Variants in DGLUCY observed in about 807,000 individuals in gnomAD.
DGLUCY encodes D-glutamate cyclase.
In DGLUCY, 58 loss-of-function variants were observed where a neutral mutation model predicts 58.5. The observed-to-expected ratio is 0.99, with a 90% CI of 0.80 to 1.23. The LOEUF (loss-of-function observed/expected upper bound fraction) is 1.23. Ranked by LOEUF, DGLUCY falls within the 50% of genes most tolerant of loss-of-function variation. DGLUCY has a pLI of 0.00. For missense variants in DGLUCY, 779 were observed against 784.7 expected (o/e 0.99, Z 0.09); for synonymous variants, 325 against 314.1 (o/e 1.03, Z -0.37).
At chr14:91,191,501 C>T (rs1234377022) in intron 9 of DGLUCY, among the ~76,000 whole-genome samples, 2 of 152,136 alleles carry the variant, frequency 1.3e-5, no homozygotes, top group Non-Finnish European at 2.9e-5. Flanking sequence ...ACACATAGGT[C>T]CTGGTGGAAC....
chr14:91,121,796 G>A (rs1238264998), intron 1 of DGLUCY, among the ~76,000 whole-genome samples: 1 of 152,062 alleles, frequency 6.6e-6, no homozygotes, highest in African/African-American at 2.4e-5. Flanking sequence ...GGATAGAGCA[G>A]GGGGAAAAAA....
intron 13 of DGLUCY, 77 bp downstream of exon 13, chr14:91,215,633 G>A (rs759326603): frequency 1.4e-5 from 23 of 1,606,212 alleles, no homozygotes; most frequent in Admixed American, 5.0e-5. Flanking sequence ...GTCCCAAGCC[G>A]TAAGCCGAGG....
chr14:91,175,398 C>T (rs2048800944), intron 6 of DGLUCY, among the ~76,000 whole-genome samples: 1 of 152,142 alleles, frequency 6.6e-6, no homozygotes, highest in South Asian at 2.1e-4. Context: ...AGAACCTAGC[C>T]TTTTGTGAAA....
chr14:91,088,484 A>G (rs373916177), intron 1 of DGLUCY, among the ~76,000 whole-genome samples: 1 of 152,188 alleles, frequency 6.6e-6, no homozygotes, highest in East Asian at 1.9e-4. Flanking sequence ...AAAAAATCAG[A>G]GAAGCCGATG....
intron 9 of DGLUCY, among the ~76,000 whole-genome samples, chr14:91,192,549 C>G (rs1000579174): frequency 2.6e-5 from 4 of 152,126 alleles, no homozygotes; most frequent in African/African-American, 9.7e-5. Flanking sequence ...ACAGGCAGAT[C>G]GCTTGAGGTC....
At position 91,167,726 on chromosome 14, in the gene DGLUCY, C is replaced by G. The variant is rs973740334; in HGVS notation, c.257+348C>G. The G allele has an allele frequency of 4.3e-6, 3 of 695,130 alleles. No individual in the cohort carries two copies. In the African/African-American group the frequency reaches 5.3e-5, roughly 12 times the overall value. 43.1% of individuals were successfully genotyped at this position (695,130 alleles called of 1,614,324 possible). A position where few individuals can be genotyped will look rare whatever the true frequency, so the allele number is the denominator to read the frequency against. ...AAAAAACACTTGCATTACCAACACCCAGAGACAGAGATATTGTGTCTGTTC... is the reference window on the plus strand; with the variant it reads ...AAAAAACACTTGCATTACCAACACCGAGAGACAGAGATATTGTGTCTGTTC... On this transcript the variant is annotated intron_variant, in intron 4 of 13. Transcript: ENST00000256324.
chr14:91,181,153 G>C (rs1255454547), intron 7 of DGLUCY, 33 bp from the exon 8 acceptor site: 1 of 1,600,998 alleles, frequency 6.2e-7, no homozygotes, highest in Admixed American at 1.7e-5. Flanking sequence ...TGATGAAGTG[G>C]CTGGGCTCAG....
intron 1 of DGLUCY, among the ~76,000 whole-genome samples, chr14:91,108,524 T>TGAGAGAGAGAGA (rs1311616533): frequency 4.9e-5 from 2 of 40,496 alleles, no homozygotes; most frequent in Non-Finnish European, 1.3e-4. Context: ...TGTGTGTGTG[T>TGAGAGAGAGAGA]GTGAGAGAGA....
intron 9 of DGLUCY, among the ~76,000 whole-genome samples, chr14:91,192,241 G>A (rs2049944516): frequency 6.6e-6 from 1 of 152,168 alleles, no homozygotes; most frequent in Admixed American, 6.6e-5. Flanking sequence ...CTTGAGAAGT[G>A]GATTAAGCCA....
At chr14:91,171,804 G>C (rs796646344) in intron 5 of DGLUCY, among the ~76,000 whole-genome samples, 2 of 152,332 alleles carry the variant, frequency 1.3e-5, no homozygotes, top group African/African-American at 4.8e-5. Flanking sequence ...GGCAACATCT[G>C]TTAAGGCAGG....
chr14:91,181,623 T>TTTTCTTTC (rs34927063), intron 8 of DGLUCY, among the ~76,000 whole-genome samples: 1 of 149,010 alleles, frequency 6.7e-6, no homozygotes, highest in African/African-American at 2.4e-5. Flanking sequence ...CTTACTTTCT[T>TTTTCTTTC]TTTCTTTCTT....
chr14:91,143,093 G>A (rs902184187), intron 1 of DGLUCY, among the ~76,000 whole-genome samples: 8 of 144,914 alleles, frequency 5.5e-5, no homozygotes, highest in Admixed American at 2.8e-4. Flanking sequence ...GTTTTGTTTT[G>A]TTTTTGTTTT....
intron 6 of DGLUCY, among the ~76,000 whole-genome samples, chr14:91,174,138 C>G (rs2140418509): frequency 6.6e-6 from 1 of 152,100 alleles, no homozygotes; most frequent in South Asian, 2.1e-4. Flanking sequence ...CCGTAAAACC[C>G]CAAGAGGATA....
chr14:91,224,556 CAA>C, intron 13 of DGLUCY, 126 bp from the exon 14 acceptor site: 3 of 1,122,106 alleles, frequency 2.7e-6, no homozygotes, highest in Non-Finnish European at 3.6e-6. Context: ...TACTTTAAAC[CAA>C]AATTTTACTT....
intron 11 of DGLUCY, among the ~76,000 whole-genome samples, chr14:91,200,562 C>T (rs1251751616): frequency 6.6e-6 from 1 of 152,066 alleles, no homozygotes. Context: ...TAAAAATTAT[C>T]TAATATATGA....
At chr14:91,082,176 A>G (rs1262442100) in intron 1 of DGLUCY, among the ~76,000 whole-genome samples, 1 of 152,132 alleles carries the variant, frequency 6.6e-6, no homozygotes, top group Non-Finnish European at 1.5e-5. Flanking sequence ...GAAAAAGGAA[A>G]TTGTGATAGA....
chr14:91,213,689 A>AGGTTTGTTTGTTTGTTT (rs1886070991), intron 12 of DGLUCY, among the ~76,000 whole-genome samples: 1 of 58,608 alleles, frequency 1.7e-5, no homozygotes, highest in South Asian at 8.8e-4. Context: ...TATTCACTGA[A>AGGTTTGTTTGTTTGTTT]GATTGTTTGT....
At position 91,199,847 on chromosome 14, in the gene DGLUCY, T is replaced by G; in HGVS notation, c.1386T>G (p.Val462=). The G allele has an allele frequency of 1.2e-6, 2 of 1,614,190 alleles. No individual in the cohort carries two copies. The highest frequency in any genetic ancestry group is 1.7e-6 in the Non-Finnish European group (2 of 1,180,026). The part of the protein sequence containing the change: ...NARKMNIKHL[V]DPIDDLFLAA... ...GGAAGATGAACATCAAGCACTTGGT[T>G]GACCCCATTGACGATCTTTTTCTTG... The change falls in exon 11 of 14, where the codon GTT becomes GTG. Residue 462 remains valine, a synonymous_variant. Transcript: ENST00000256324.
chr14:91,133,796 G>A (rs1392686902), intron 1 of DGLUCY, among the ~76,000 whole-genome samples: 3 of 152,072 alleles, frequency 2.0e-5, no homozygotes, highest in Admixed American at 2.0e-4. Flanking sequence ...TGTCCTCACC[G>A]ATACTTCTTT....
Sources: allele counts gnomAD v4.1 joint callset (sites outside exome capture counted in the v4.1 genomes callset), GRCh38; gene constraint gnomAD v4.1.1; transcripts MANE v1.5; gene names NCBI Gene and HGNC (gene_info 2026-07-23, HGNC 2026-07-21).